TBXAS1: variants seen among roughly 807,000 people sequenced by gnomAD.
TBXAS1 encodes thromboxane A synthase 1.
TBXAS1 carries 48 observed loss-of-function variants against 60.7 expected under a neutral mutation model. That is an observed-to-expected ratio of 0.79 (90% CI 0.63 to 1.01). The LOEUF is 1.01. Among genes scored for constraint, TBXAS1 ranks in the 50% least tolerant of loss-of-function variants. The pLI, the probability that TBXAS1 is intolerant of heterozygous loss-of-function variation, is 0.00. For missense variants in TBXAS1, 685 were observed against 686.3 expected (o/e 1.00, Z 0.02); for synonymous variants, 287 against 269.7 (o/e 1.06, Z -0.63).
intron 1 of TBXAS1, 95 bp from the exon 2 acceptor site, chr7:139,872,140 A>G: frequency 7.8e-7 from 1 of 1,287,728 alleles, no homozygotes; most frequent in Non-Finnish European, 1.1e-6. Flanking sequence ...TTTTGCCTTT[A>G]CTTCCAGAGA....
intron 4 of TBXAS1, among the ~76,000 whole-genome samples, chr7:139,799,649 G>A (rs772018542): frequency 2.7e-4 from 41 of 152,144 alleles, no homozygotes; most frequent in Admixed American, 7.2e-4. Flanking sequence ...GAGCCACCAC[G>A]CCCAGCCCAA....
intron 4 of TBXAS1, among the ~76,000 whole-genome samples, chr7:139,929,437 A>G (rs1328829149): frequency 2.0e-5 from 3 of 152,184 alleles, no homozygotes; most frequent in Admixed American, 2.0e-4. Context: ...TCGTGGGAAA[A>G]ATGGCTATGA....
At chr7:139,804,655 G>A (rs921655471) in intron 4 of TBXAS1, among the ~76,000 whole-genome samples, 11 of 152,080 alleles carry the variant, frequency 7.2e-5, no homozygotes, top group Non-Finnish European at 7.4e-5. Context: ...GAAACATGGG[G>A]GTGGGTTTTT....
At chr7:139,781,661 A>G (rs1440715338) in intron 2 of TBXAS1, among the ~76,000 whole-genome samples, 1 of 151,940 alleles carries the variant, frequency 6.6e-6, no homozygotes, top group Non-Finnish European at 1.5e-5. Context: ...ATGAAACTCC[A>G]TCTCTACTAA....
At chr7:139,812,270 C>T (rs1032289435) in intron 4 of TBXAS1, among the ~76,000 whole-genome samples, 2 of 152,206 alleles carry the variant, frequency 1.3e-5, no homozygotes, top group African/African-American at 4.8e-5. Context: ...TGAGCAAATA[C>T]ACACAAATGA....
At position 139,778,685 on chromosome 7, in the gene TBXAS1, G is replaced by A. The variant is rs1246619431; in HGVS notation, c.-318+214G>A. Among the ~76,000 whole-genome samples, 2 of 152,060 alleles carry A rather than the reference G, an allele frequency of 1.3e-5. No homozygotes were observed. The highest frequency in any genetic ancestry group is 1.9e-4 in the East Asian group (1 of 5,170). On this transcript the variant is annotated intron_variant, in intron 1 of 16. Transcript: ENST00000336425. This position sits in a 1 kb window ranked among gnomAD's most constrained non-coding sequence, Gnocchi z 4.8. ...ATCTTCTCCTCCTCGCGTCTACACT[G>A]TCCCGAGGGCCGCCACTCCATCACT...
intron 9 of TBXAS1, among the ~76,000 whole-genome samples, chr7:139,963,960 A>G (rs935711816): frequency 1.4e-4 from 22 of 152,156 alleles, no homozygotes; most frequent in African/African-American, 4.8e-4. Flanking sequence ...GAAGCCTGTC[A>G]AGAGTGTCTG....
At chr7:139,959,028 CACA>C (rs1810113452) in intron 8 of TBXAS1, among the ~76,000 whole-genome samples, 1 of 152,158 alleles carries the variant, frequency 6.6e-6, no homozygotes, top group Non-Finnish European at 1.5e-5. Context: ...CACACACACA[CACA>C]CACACACGCA....
chr7:139,872,304 T>C lies in TBXAS1; in HGVS notation c.159T>C (p.Ile53=). ...GLRHPKPSPF[I]GNLTFFRQGF... Reference sequence around the variant, plus strand: ...GACATCCCAAGCCTTCTCCTTTCATTGGAAACTTGACATTTTTCCGCCAGG... The same window carrying C: ...GACATCCCAAGCCTTCTCCTTTCATCGGAAACTTGACATTTTTCCGCCAGG... Residue 53 remains isoleucine (I), a synonymous_variant, in exon 2 of 13, where the codon ATT becomes ATC. Coordinates refer to ENST00000448866, the MANE Select transcript of TBXAS1 (RefSeq NM_001061.7). 1 of 1,614,066 alleles carries C rather than the reference T, an allele frequency of 6.2e-7. No homozygotes were observed. The highest frequency in any genetic ancestry group is 8.5e-7 in the Non-Finnish European group (1 of 1,179,926).
At chr7:139,828,893 C>A (rs573773191), upstream of TBXAS1, among the ~76,000 whole-genome samples, 2 of 152,148 alleles carry the variant, frequency 1.3e-5, no homozygotes, top group African/African-American at 2.4e-5. Flanking sequence ...CTGTATTTTT[C>A]TGGGATATTC....
intron 9 of TBXAS1, among the ~76,000 whole-genome samples, chr7:139,988,702 C>T (rs1459875379): frequency 6.6e-6 from 1 of 152,146 alleles, no homozygotes; most frequent in African/African-American, 2.4e-5. Flanking sequence ...ATGCCCGGGA[C>T]ACATACAGCA....
At chr7:140,001,249 T>C (rs1243879034) in intron 9 of TBXAS1, among the ~76,000 whole-genome samples, 3 of 152,222 alleles carry the variant, frequency 2.0e-5, no homozygotes, top group Non-Finnish European at 4.4e-5. Context: ...GCTTTTCATG[T>C]TATCTTTTGG....
Position 139,801,667 on chromosome 7 carries a change from A to T in TBXAS1, c.-80+14241A>T, listed in dbSNP as rs1364364392. Among the ~76,000 whole-genome samples the T allele has an allele frequency of 3.3e-5, 5 of 152,074 alleles. No individual in the cohort carries two copies. The East Asian group carries it at 9.6e-4, about 29-fold the overall frequency. ...GTCCTTTTCTTTTGCATTACAGAAT[A>T]CAGTCCTATGCTTAGCTTTCTTTTC... is the stretch of plus-strand genomic sequence containing the variant. On this transcript the variant is annotated intron_variant, in intron 4 of 16. Transcript: ENST00000336425.
upstream of TBXAS1, among the ~76,000 whole-genome samples, chr7:139,826,746 A>G (rs1319303598): frequency 1.3e-5 from 2 of 152,194 alleles, no homozygotes; most frequent in Non-Finnish European, 2.9e-5. Flanking sequence ...TAGAATAACT[A>G]GTGTGTAGTA....
At chr7:139,969,550 G>GA (rs555314855) in intron 9 of TBXAS1, among the ~76,000 whole-genome samples, 59 of 150,444 alleles carry the variant, frequency 3.9e-4, no homozygotes, top group African/African-American at 1.2e-3. Context: ...GGTTGAGCAG[G>GA]AAAAAAAGTG....
At chr7:140,017,622 G>C (rs1230801692) in intron 11 of TBXAS1, 49 bp from the exon 12 acceptor site, 7 of 1,607,876 alleles carry the variant, frequency 4.4e-6, no homozygotes, top group Non-Finnish European at 5.9e-6. Context: ...GGGCTGCAGA[G>C]GGGAGGGAGC....
chr7:139,933,527 T>C lies in TBXAS1; in HGVS notation c.334-2664T>C, dbSNP rs373213504. Reference sequence around the variant, plus strand: ...CAAATTCCATAAAGCCATAATTCTGTTGAGTGGCCATGGCGCTCCCAAAGA... The same window carrying C: ...CAAATTCCATAAAGCCATAATTCTGCTGAGTGGCCATGGCGCTCCCAAAGA... On this transcript the variant is annotated intron_variant, in intron 4 of 12. Transcript: ENST00000448866. 1.4e-4 allele frequency among the ~76,000 whole-genome samples: 21 copies of C among 152,284 alleles called. No homozygotes were observed. The East Asian group carries it at 3.9e-3, about 28-fold the overall frequency.
chr7:139,852,105 C>A lies in TBXAS1; in HGVS notation c.90-20130C>A, dbSNP rs1036712270. Among the ~76,000 whole-genome samples, 3 of 152,228 alleles carry A rather than the reference C, an allele frequency of 2.0e-5. No individual in the cohort carries two copies. Among genetic ancestry groups the A allele is most frequent in the African/African-American group, 7.2e-5 (3 of 41,450 alleles). On this transcript the variant is annotated intron_variant, in intron 1 of 12. Coordinates refer to ENST00000448866, the MANE Select transcript of TBXAS1 (RefSeq NM_001061.7). This position sits in a 1 kb window ranked among gnomAD's most constrained non-coding sequence, Gnocchi z 4.4. ...ATGGACACCATTCTCCAGCTTGACC[C>A]TGAACCCAAAGCACCTAGCTGATCT...
intron 1 of TBXAS1, among the ~76,000 whole-genome samples, chr7:139,779,399 C>T (rs550576014): frequency 6.6e-6 from 1 of 152,314 alleles, no homozygotes; most frequent in East Asian, 1.9e-4. Flanking sequence ...TATCCCTTCT[C>T]TTAACCTAAT....
Sources: gnomAD v4.1 joint callset for allele counts (sites outside exome capture counted in the v4.1 genomes callset) on GRCh38, gnomAD v4.1.1 for gene constraint, Gnocchi (gnomAD v3.1) non-coding constraint, MANE v1.5 for transcripts, NCBI Gene and HGNC (gene_info 2026-07-23, HGNC 2026-07-21) for gene names.